SLC25A13: variants seen among roughly 807,000 people sequenced by gnomAD.
SLC25A13 encodes the protein electrogenic aspartate/glutamate antiporter SLC25A13, mitochondrial.
Under a neutral mutation model 85.5 loss-of-function variants are expected in SLC25A13, and 70 were observed. The ratio of observed to expected loss-of-function variants is 0.82; its 90% confidence interval spans 0.68 to 1.00. SLC25A13 has a LOEUF of 1.00. SLC25A13 is among the 50% of genes least tolerant of loss of function. SLC25A13 has a pLI of 0.00. For synonymous variants in SLC25A13, 259 were observed against 288.7 expected (o/e 0.90, Z 1.04); for missense variants, 765 against 819.8 (o/e 0.93, Z 0.82).
intron 3 of SLC25A13, among the ~76,000 whole-genome samples, chr7:96,266,766 A>G (rs1340561227): frequency 6.6e-6 from 1 of 152,162 alleles, no homozygotes; most frequent in African/African-American, 2.4e-5. Context: ...GATTTCAGAC[A>G]TCAAATATTA....
intron 1 of SLC25A13, among the ~76,000 whole-genome samples, chr7:96,310,406 C>T (rs893835292): frequency 2.0e-5 from 3 of 152,186 alleles, no homozygotes; most frequent in Admixed American, 2.0e-4. Context: ...ATATTTTTGG[C>T]AAGAACATTT....
intron 4 of SLC25A13, among the ~76,000 whole-genome samples, chr7:96,222,395 C>A (rs909515826): frequency 6.6e-5 from 10 of 152,226 alleles, no homozygotes; most frequent in Non-Finnish European, 1.0e-4. Context: ...GAACCAATTC[C>A]CTTTCAGAGG....
intron 14 of SLC25A13, among the ~76,000 whole-genome samples, chr7:96,134,997 G>A (rs1012911748): frequency 6.6e-6 from 1 of 151,922 alleles, no homozygotes; most frequent in African/African-American, 2.4e-5. Context: ...GAAAAGTCAA[G>A]GAAGCAAAAG....
chr7:96,193,196 A>C lies in SLC25A13; in HGVS notation c.469-13T>G. The C allele has an allele frequency of 6.2e-7, 1 of 1,613,488 alleles. No individual in the cohort carries two copies. The highest frequency in any genetic ancestry group is 1.7e-5 in the Admixed American group (1 of 59,974). ...CCAGTTGTATTTCCTACAAATAAAG[A>C]AAGTAAAATACTTAATTTATGCTTC... On this transcript the variant is annotated splice_polypyrimidine_tract_variant and intron_variant, in intron 5 of 17. Coordinates refer to ENST00000265631, the MANE Select transcript of SLC25A13 (RefSeq NM_014251.3).
intron 15 of SLC25A13, among the ~76,000 whole-genome samples, chr7:96,125,588 T>A (rs925945816): frequency 6.6e-6 from 1 of 152,146 alleles, no homozygotes; most frequent in Non-Finnish European, 1.5e-5. Context: ...AGATGAGAAG[T>A]CAATCTTCTA....
chr7:96,183,819 G>C (rs532261599), intron 11 of SLC25A13, among the ~76,000 whole-genome samples: 1 of 152,280 alleles, frequency 6.6e-6, no homozygotes, highest in Admixed American at 6.5e-5. Flanking sequence ...GTCAGATGAA[G>C]AAAAGGGGCA....
intron 14 of SLC25A13, among the ~76,000 whole-genome samples, chr7:96,137,646 T>G (rs1435354275): frequency 6.6e-6 from 1 of 151,034 alleles, no homozygotes; most frequent in East Asian, 1.9e-4. Flanking sequence ...CTTTATTTCT[T>G]TATTATTATT....
At chr7:96,144,847 C>T (rs1372326758) in intron 14 of SLC25A13, among the ~76,000 whole-genome samples, 1 of 152,142 alleles carries the variant, frequency 6.6e-6, no homozygotes, top group Non-Finnish European at 1.5e-5. Context: ...AAACAAGTTC[C>T]TACCATTTTA....
intron 4 of SLC25A13, among the ~76,000 whole-genome samples, chr7:96,214,388 A>C (rs1795808652): frequency 6.6e-6 from 1 of 152,176 alleles, no homozygotes; most frequent in South Asian, 2.1e-4. Flanking sequence ...ACAAATATCA[A>C]CTGTATTGCT....
At chr7:96,162,004 CAA>C (rs1793525500) in intron 13 of SLC25A13, among the ~76,000 whole-genome samples, 1 of 152,198 alleles carries the variant, frequency 6.6e-6, no homozygotes, top group Non-Finnish European at 1.5e-5. Context: ...ACATGTCACA[CAA>C]GAGTGACTTC....
At chr7:96,171,035 A>G (rs1223919486) in intron 12 of SLC25A13, among the ~76,000 whole-genome samples, 1 of 152,216 alleles carries the variant, frequency 6.6e-6, no homozygotes, top group Admixed American at 6.5e-5. Flanking sequence ...CATGCTCTGG[A>G]GTCAGACAAG....
intron 2 of SLC25A13, among the ~76,000 whole-genome samples, chr7:96,280,753 C>T (rs899285056): frequency 1.3e-5 from 2 of 151,958 alleles, no homozygotes; most frequent in Non-Finnish European, 2.9e-5. Context: ...AATACCATGC[C>T]ATACCCCCAA....
intron 2 of SLC25A13, 31 bp downstream of exon 2, chr7:96,296,867 C>T: frequency 6.3e-7 from 1 of 1,587,334 alleles, no homozygotes; most frequent in Non-Finnish European, 8.6e-7. Flanking sequence ...ACAAATCAAA[C>T]AAGAAACAAA....
intron 14 of SLC25A13, among the ~76,000 whole-genome samples, chr7:96,144,422 C>T (rs1464902622): frequency 6.6e-6 from 1 of 152,122 alleles, no homozygotes; most frequent in Non-Finnish European, 1.5e-5. Flanking sequence ...ATCAAGGTTC[C>T]AGAAGCTCAA....
At chr7:96,124,325 C>G (rs1791636940) in intron 15 of SLC25A13, among the ~76,000 whole-genome samples, 1 of 152,086 alleles carries the variant, frequency 6.6e-6, no homozygotes. Flanking sequence ...TTTTCCAAAT[C>G]CCCTTTGCAT....
At chr7:96,184,779 C>T (rs1794560396) in intron 10 of SLC25A13, 148 bp downstream of exon 10, 1 of 746,776 alleles carries the variant, frequency 1.3e-6, no homozygotes, top group South Asian at 1.6e-5. Flanking sequence ...GTTCCCTTTA[C>T]TCTTGCCCTA....
At chr7:96,144,846 C>A (rs1792713233) in intron 14 of SLC25A13, among the ~76,000 whole-genome samples, 1 of 152,132 alleles carries the variant, frequency 6.6e-6, no homozygotes, top group African/African-American at 2.4e-5. Context: ...CAAACAAGTT[C>A]CTACCATTTT....
intron 2 of SLC25A13, among the ~76,000 whole-genome samples, chr7:96,280,120 T>C (rs932272456): frequency 6.6e-6 from 1 of 152,138 alleles, no homozygotes; most frequent in Non-Finnish European, 1.5e-5. Flanking sequence ...TCCTTTTCAA[T>C]TGTCTCGTCT....
chr7:96,143,576 G>T (rs1159294430), intron 14 of SLC25A13, among the ~76,000 whole-genome samples: 1 of 152,152 alleles, frequency 6.6e-6, no homozygotes, highest in Non-Finnish European at 1.5e-5. Flanking sequence ...GCATTTTAGA[G>T]GGGGGCTTTA....
Sources: allele counts gnomAD v4.1 joint callset (sites outside exome capture counted in the v4.1 genomes callset), GRCh38; gene constraint gnomAD v4.1.1; transcripts MANE v1.5; gene names NCBI Gene and HGNC (gene_info 2026-07-23, HGNC 2026-07-21).